RC3H1: variants seen among roughly 807,000 people sequenced by gnomAD.
The protein encoded by RC3H1 is ring finger and CCCH-type domains 1.
In RC3H1, 50 loss-of-function variants were observed where a neutral mutation model predicts 138.2. The ratio of observed to expected loss-of-function variants is 0.36; its 90% CI spans 0.29 to 0.46. RC3H1 has a LOEUF of 0.46. Among genes scored for constraint, RC3H1 ranks in the 20% least tolerant of loss-of-function variants. RC3H1 has a pLI of 1.00. For synonymous variants in RC3H1, 462 were observed against 489.1 expected (o/e 0.94, Z 0.73); for missense variants, 1,031 against 1,388.1 (o/e 0.74, Z 4.09).
intron 12 of RC3H1, 28 bp downstream of exon 12, chr1:173,961,697 C>T: frequency 1.3e-6 from 2 of 1,583,394 alleles, no homozygotes; most frequent in African/African-American, 1.4e-5. Flanking sequence ...CAAATTAAGT[C>T]TATGTAATAA....
intron 8 of RC3H1, among the ~76,000 whole-genome samples, chr1:173,970,902 A>G (rs1188413702): frequency 6.6e-6 from 1 of 151,898 alleles, no homozygotes; most frequent in Non-Finnish European, 1.5e-5. Context: ...GGGCATTCTT[A>G]TACTTGTATT....
rs1661497824 is a variant in RC3H1 at position 173,998,063 on chromosome 1, C to A, written c.-150-4928G>T. Among the ~76,000 whole-genome samples, 3 of 152,160 alleles carry A rather than the reference C, an allele frequency of 2.0e-5. No individual in the cohort carries two copies. The South Asian group carries it at 6.2e-4, about 32-fold the overall frequency. On this transcript the variant is annotated intron_variant, in intron 1 of 19. Transcript: ENST00000367696. ...AAGCATTCTTTCAGTCAAAAGTAAA[C>A]ATATGAAATAAAATTATTAATATAC...
Position 173,935,623 on chromosome 1 carries a change from T to G in RC3H1, c.*3098A>C, listed in dbSNP as rs1444683538. ...CAATTAATACCTTTTCAATTTTGATTTTAAAAAAGTAGTTACAGAGTCAAG... is the reference window on the plus strand; with the variant it reads ...CAATTAATACCTTTTCAATTTTGATGTTAAAAAAGTAGTTACAGAGTCAAG... On this transcript the variant is annotated 3_prime_UTR_variant, in exon 20 of 20. Transcript: ENST00000367696. 3 of 152,160 alleles carry G rather than the reference T, an allele frequency of 2.0e-5. No homozygotes were observed. The highest frequency in any genetic ancestry group is 4.4e-5 in the Non-Finnish European group (3 of 68,024). The allele number at this position is 152,160 out of a possible 1,614,324, so 9.4% of individuals were successfully genotyped here. A position where few individuals can be genotyped will look rare whatever the true frequency, so the allele number is the denominator to read the frequency against.
rs1658523937 is a variant in RC3H1 at position 173,935,066 on chromosome 1, G to A, written c.*3655C>T. ...CATTCTGAGTAGTTGAATATTTGTA[G>A]TTGGCATTAGGAATAATGTCTTATC... On this transcript the variant is annotated 3_prime_UTR_variant, in exon 20 of 20. Coordinates refer to ENST00000367696, the MANE Select transcript of RC3H1 (RefSeq NM_172071.4). The A allele has an allele frequency of 6.6e-6, 1 of 152,166 alleles. No individual in the cohort carries two copies. The highest frequency in any genetic ancestry group is 1.5e-5 in the Non-Finnish European group (1 of 68,034). The allele number at this position is 152,166 out of a possible 1,614,324, so 9.4% of individuals were successfully genotyped here.
chr1:173,980,043 AT>A (rs1437654916), intron 6 of RC3H1, among the ~76,000 whole-genome samples: 255 of 136,980 alleles, frequency 1.9e-3, no homozygotes, highest in Non-Finnish European at 1.7e-3. Context: ...ACACCTGGCT[AT>A]TTTTTTTTTT....
At chr1:173,950,068 C>G (rs1471397399) in intron 14 of RC3H1, among the ~76,000 whole-genome samples, 1 of 151,914 alleles carries the variant, frequency 6.6e-6, no homozygotes, top group African/African-American at 2.4e-5. Context: ...CCTCGGGAGG[C>G]TGAGGCAGGA....
rs1286023389 is a variant in RC3H1 at position 173,933,364 on chromosome 1, T to G, written c.*5357A>C. On this transcript the variant is annotated 3_prime_UTR_variant, in exon 20 of 20. Coordinates refer to ENST00000367696, the MANE Select transcript of RC3H1 (RefSeq NM_172071.4). ...CAGTGCAGTATTGAAAACATACCTA[T>G]TAGGAATAGATTTATTATTAAAAGG... 1 of 152,046 alleles carries G rather than the reference T, an allele frequency of 6.6e-6. No individual in the cohort carries two copies. Among genetic ancestry groups the G allele is most frequent in the African/African-American group, 2.4e-5 (1 of 41,430 alleles). The allele number at this position is 152,046 out of a possible 1,614,324, so 9.4% of individuals were successfully genotyped here.
chr1:173,962,850 T>C (rs1234088122), intron 11 of RC3H1, among the ~76,000 whole-genome samples: 1 of 152,176 alleles, frequency 6.6e-6, no homozygotes, highest in Non-Finnish European at 1.5e-5. Context: ...CAAAGGAAGA[T>C]ACAAATCACG....
At chr1:173,972,813 G>T (rs1307488707) in intron 7 of RC3H1, among the ~76,000 whole-genome samples, 186 bp from the exon 8 acceptor site, 1 of 152,160 alleles carries the variant, frequency 6.6e-6, no homozygotes, top group Non-Finnish European at 1.5e-5. Context: ...CAAAGCTGGG[G>T]TTGCAAACTG....
rs1571186836 is a variant in RC3H1 at position 173,956,778 on chromosome 1, G to A, written c.2370+4299C>T. Reference sequence around the variant, plus strand: ...GTTAGTTCATGCACAGAAAGAAGGTGAAATATATATAAGAAGTTTAAATAC... The same window carrying A: ...GTTAGTTCATGCACAGAAAGAAGGTAAAATATATATAAGAAGTTTAAATAC... On this transcript the variant is annotated intron_variant, in intron 13 of 19. Coordinates refer to ENST00000367696, the MANE Select transcript of RC3H1 (RefSeq NM_172071.4). 2.0e-5 allele frequency among the ~76,000 whole-genome samples: 3 copies of A among 151,722 alleles called. No homozygotes were observed. The East Asian group carries it at 5.8e-4, about 29-fold the overall frequency.
Position 173,938,724 on chromosome 1 carries a change from A to C in RC3H1, c.3399T>G (p.Pro1133=). ...TAAAAGTAGGACTCCTCATATTTTA[A>C]GGAGCAGAACTGGGAGTAACTCCTG... is the stretch of plus-strand genomic sequence containing the variant. ...QRSGVTPSSA[P] Residue 1133 remains proline (P), a synonymous_variant, in exon 20 of 20, where the codon CCT becomes CCG. Coordinates refer to ENST00000367696, the MANE Select transcript of RC3H1 (RefSeq NM_172071.4). 1 of 1,599,614 alleles carries C rather than the reference A, an allele frequency of 6.3e-7. No individual in the cohort carries two copies. The highest frequency in any genetic ancestry group is 8.5e-7 in the Non-Finnish European group (1 of 1,173,030).
chr1:174,017,607 T>C (rs1661882356), intron 1 of RC3H1, among the ~76,000 whole-genome samples: 1 of 152,070 alleles, frequency 6.6e-6, no homozygotes, highest in Admixed American at 6.6e-5. Context: ...TGTTTCCTTT[T>C]GGGGTAATGA....
intron 15 of RC3H1, among the ~76,000 whole-genome samples, chr1:173,947,107 A>C (rs1489582058): frequency 2.6e-5 from 4 of 152,150 alleles, no homozygotes; most frequent in African/African-American, 9.7e-5. Flanking sequence ...TATTCCCCCA[A>C]ATAACAATTA....
At chr1:173,970,836 T>C (rs576184515) in intron 8 of RC3H1, among the ~76,000 whole-genome samples, 4 of 152,190 alleles carry the variant, frequency 2.6e-5, no homozygotes, top group Admixed American at 6.5e-5. Flanking sequence ...TTTTCTGATA[T>C]GTTGATATTA....
At chr1:173,973,024 C>T (rs186994131) in intron 7 of RC3H1, among the ~76,000 whole-genome samples, 1 of 152,192 alleles carries the variant, frequency 6.6e-6, no homozygotes, top group African/African-American at 2.4e-5. Context: ...GCAAGGCTGG[C>T]ACTGCCAGAT....
rs547006043 is a variant in RC3H1, at chr1:173,960,900, T to C, written c.2370+177A>G. On this transcript the variant is annotated intron_variant, in intron 13 of 19. Transcript: ENST00000367696. ...AAAAAAGATCTTGACTCCTAATGCA[T>C]TACATTACATACATACAAAAATCAG... The C allele has an allele frequency of 8.5e-4, 489 of 576,376 alleles. 10 individuals carry two copies. The South Asian group carries it at 0.012, about 14-fold the overall frequency. The allele number at this position is 576,376 out of a possible 1,614,324, so 35.7% of individuals were successfully genotyped here.
chr1:173,973,973 G>A (rs1660468553), intron 7 of RC3H1, among the ~76,000 whole-genome samples: 1 of 152,148 alleles, frequency 6.6e-6, no homozygotes, highest in Non-Finnish European at 1.5e-5. Context: ...AAAATATACA[G>A]TAGTATTTAG....
intron 1 of RC3H1, among the ~76,000 whole-genome samples, chr1:174,009,990 C>G (rs1661720240): frequency 6.6e-6 from 1 of 152,114 alleles, no homozygotes; most frequent in Admixed American, 6.5e-5. Flanking sequence ...AACACTGTAA[C>G]AGAGATGTTA....
At chr1:173,955,188 T>G (rs1363375790) in intron 13 of RC3H1, among the ~76,000 whole-genome samples, 1 of 134,312 alleles carries the variant, frequency 7.4e-6, no homozygotes, top group African/African-American at 2.9e-5. Context: ...ATCACGCCAT[T>G]GCACTCCAGC....
Sources: allele counts gnomAD v4.1 joint callset (sites outside exome capture counted in the v4.1 genomes callset), GRCh38; gene constraint gnomAD v4.1.1; transcripts MANE v1.5; gene names NCBI Gene and HGNC (gene_info 2026-07-23, HGNC 2026-07-21).